The following ADAMTSL1 variants were observed in gnomAD, a reference collection of about 807,000 sequenced individuals.
The protein encoded by ADAMTSL1 is ADAMTS like 1.
Under a neutral mutation model 201.8 loss-of-function variants are expected in ADAMTSL1, and 126 were observed. The ratio of observed to expected loss-of-function variants is 0.62; its 90% CI spans 0.54 to 0.72. The LOEUF (loss-of-function observed/expected upper bound fraction) is 0.72. Ranked by LOEUF, ADAMTSL1 falls within the 30% of genes least tolerant of loss-of-function variation. The probability of loss-of-function intolerance (pLI) is 0.00; values close to 1 mark genes in which losing one functional copy is unlikely to be tolerated. For missense variants in ADAMTSL1, 2,679 were observed against 2,277.8 expected (o/e 1.18, Z -3.59); for synonymous variants, 1,121 against 903.4 (o/e 1.24, Z -4.32).
intron 2 of ADAMTSL1, among the ~76,000 whole-genome samples, chr9:18,308,784 T>G (rs1188072038): frequency 1.3e-5 from 2 of 152,160 alleles, no homozygotes; most frequent in African/African-American, 4.8e-5. Context: ...CCATTTCTTC[T>G]GAAACTATTC....
At chr9:18,414,449 G>A (rs544136631) in intron 2 of ADAMTSL1, among the ~76,000 whole-genome samples, 1 of 151,974 alleles carries the variant, frequency 6.6e-6, no homozygotes, top group Non-Finnish European at 1.5e-5. Context: ...GGACAAGATG[G>A]AGTAACAGAG....
At chr9:18,318,282 T>G (rs1279082376) in intron 2 of ADAMTSL1, among the ~76,000 whole-genome samples, 2 of 152,202 alleles carry the variant, frequency 1.3e-5, no homozygotes, top group Non-Finnish European at 2.9e-5. Flanking sequence ...CCCCAAAGTA[T>G]GCTTTATGGA....
chr9:18,084,543 GA>G (rs1002064729), intron 1 of ADAMTSL1, among the ~76,000 whole-genome samples: 1 of 149,262 alleles, frequency 6.7e-6, no homozygotes, highest in African/African-American at 2.5e-5. Flanking sequence ...AAAAGAAAAA[GA>G]AAAAAAAAGA....
chr9:18,552,876 A>G (rs548784865), intron 3 of ADAMTSL1, among the ~76,000 whole-genome samples: 1 of 150,898 alleles, frequency 6.6e-6, no homozygotes, highest in Non-Finnish European at 1.5e-5. Flanking sequence ...ATCTTTTTCT[A>G]CTCCTTTACT....
chr9:18,102,518 G>C (rs1226896019), intron 1 of ADAMTSL1, among the ~76,000 whole-genome samples: 1 of 152,180 alleles, frequency 6.6e-6, no homozygotes, highest in African/African-American at 2.4e-5. Flanking sequence ...ACTTCTACTT[G>C]AAGGATTCAG....
chr9:18,264,833 G>T (rs969718787), intron 2 of ADAMTSL1, among the ~76,000 whole-genome samples: 1 of 152,144 alleles, frequency 6.6e-6, no homozygotes, highest in African/African-American at 2.4e-5. Context: ...CTCAGATTTA[G>T]ACTGCATAGA....
chr9:18,078,898 C>T (rs1346215776), intron 1 of ADAMTSL1, among the ~76,000 whole-genome samples: 1 of 152,194 alleles, frequency 6.6e-6, no homozygotes, highest in Non-Finnish European at 1.5e-5. Context: ...ATGATGCTGC[C>T]TTTGCTCTTA....
intron 4 of ADAMTSL1, among the ~76,000 whole-genome samples, chr9:18,588,894 T>C (rs867266156): frequency 1.7e-5 from 2 of 117,476 alleles, no homozygotes; most frequent in African/African-American, 5.9e-5. Flanking sequence ...CATATATATA[T>C]ATATATATAC....
At chr9:18,828,842 A>C (rs1232173452) in intron 22 of ADAMTSL1, among the ~76,000 whole-genome samples, 1 of 151,430 alleles carries the variant, frequency 6.6e-6, no homozygotes, top group Non-Finnish European at 1.5e-5. Flanking sequence ...CACCATCATG[A>C]CTTATTAATT....
At chr9:18,642,313 TTAA>T (rs1827500680) in intron 7 of ADAMTSL1, among the ~76,000 whole-genome samples, 1 of 151,994 alleles carries the variant, frequency 6.6e-6, no homozygotes, top group Non-Finnish European at 1.5e-5. Context: ...TAATTTTTAA[TTAA>T]TGAGTAAAAA....
intron 10 of ADAMTSL1, among the ~76,000 whole-genome samples, chr9:18,676,443 AT>A (rs1159746527): frequency 6.6e-6 from 1 of 152,056 alleles, no homozygotes; most frequent in Non-Finnish European, 1.5e-5. Flanking sequence ...TTTAGGAGAC[AT>A]TTTTTCTAAA....
intron 17 of ADAMTSL1, among the ~76,000 whole-genome samples, chr9:18,774,646 A>C (rs1820875501): frequency 6.6e-6 from 1 of 152,164 alleles, no homozygotes; most frequent in Admixed American, 6.5e-5. Flanking sequence ...TTGAGGTATA[A>C]TTTATATATT....
chr9:18,494,347 CAA>C (rs141208426), intron 1 of ADAMTSL1, among the ~76,000 whole-genome samples: 6 of 80,440 alleles, frequency 7.5e-5, no homozygotes, highest in African/African-American at 2.3e-4. Flanking sequence ...CAGACTGTCT[CAA>C]AAAAAAAAAA....
intron 2 of ADAMTSL1, among the ~76,000 whole-genome samples, chr9:18,243,659 C>G (rs1354694967): frequency 1.3e-5 from 2 of 152,064 alleles, no homozygotes; most frequent in South Asian, 2.1e-4. Flanking sequence ...CCTTCCTGCT[C>G]TTTCTCTAAG....
At chr9:18,040,006 G>T (rs1433297870) in intron 1 of ADAMTSL1, among the ~76,000 whole-genome samples, 1 of 152,124 alleles carries the variant, frequency 6.6e-6, no homozygotes, top group Non-Finnish European at 1.5e-5. Flanking sequence ...CCATATTATT[G>T]TGTCTCCAGG....
intron 1 of ADAMTSL1, among the ~76,000 whole-genome samples, chr9:18,137,999 G>A (rs1386771705): frequency 6.6e-6 from 1 of 152,138 alleles, no homozygotes; most frequent in African/African-American, 2.4e-5. Context: ...CAACTCTCCA[G>A]AAGCCCTGAG....
chr9:18,805,139 C>T (rs1823027557), intron 20 of ADAMTSL1, among the ~76,000 whole-genome samples: 1 of 152,122 alleles, frequency 6.6e-6, no homozygotes, highest in African/African-American at 2.4e-5. Context: ...TATGTTGTTT[C>T]CTAGCATTTC....
intron 3 of ADAMTSL1, among the ~76,000 whole-genome samples, chr9:18,536,065 A>T (rs1361535): frequency 0.089 from 13,561 of 152,178 alleles, 1,769 homozygotes; most frequent in African/African-American, 0.29. Flanking sequence ...AGAATCTAGA[A>T]TCTTCAAATA....
At chr9:18,882,351 A>C (rs1304138081) in intron 23 of ADAMTSL1, among the ~76,000 whole-genome samples, 1 of 152,100 alleles carries the variant, frequency 6.6e-6, no homozygotes, top group Non-Finnish European at 1.5e-5. Context: ...TTTTCCTTCA[A>C]AGTAGATGTG....
Sources: gnomAD v4.1 joint callset for allele counts (sites outside exome capture counted in the v4.1 genomes callset) on GRCh38, gnomAD v4.1.1 for gene constraint, MANE v1.5 for transcripts, NCBI Gene and HGNC (gene_info 2026-07-23, HGNC 2026-07-21) for gene names.